The following KCND2 variants were observed in gnomAD, a reference collection of about 807,000 sequenced individuals.
KCND2 encodes the protein potassium voltage-gated channel subfamily D member 2.
In KCND2, 16 loss-of-function variants were observed where a neutral mutation model predicts 54.4. The observed-to-expected ratio is 0.29, with a 90% CI of 0.20 to 0.45. The LOEUF (loss-of-function observed/expected upper bound fraction) is 0.45, where lower values mean the gene tolerates loss of function less well. Ranked by LOEUF, KCND2 falls within the 20% of genes least tolerant of loss-of-function variation. The pLI, the probability that KCND2 is intolerant of heterozygous loss-of-function variation, is 1.00. For synonymous variants in KCND2, 317 were observed against 310.7 expected, an observed-to-expected ratio of 1.02 and a Z score of -0.21; for missense variants, 486 against 824.2, an observed-to-expected ratio of 0.59 and a Z score of 5.02.
chr7:120,388,511 A>G (rs1801022048), intron 1 of KCND2, among the ~76,000 whole-genome samples: 1 of 152,024 alleles, frequency 6.6e-6, no homozygotes, highest in African/African-American at 2.4e-5. Context: ...TGAGAGAGGA[A>G]TAAATAATAG....
chr7:120,596,733 G>C, intron 1 of KCND2, among the ~76,000 whole-genome samples: 1 of 73,086 alleles, frequency 1.4e-5, no homozygotes, highest in East Asian at 2.6e-4. Flanking sequence ...TTACCATACT[G>C]TTAGTTCCTG....
intron 1 of KCND2, among the ~76,000 whole-genome samples, chr7:120,408,012 G>GGATCTT (rs1801387711): frequency 6.6e-6 from 1 of 151,784 alleles, no homozygotes; most frequent in Non-Finnish European, 1.5e-5. Context: ...CAAGCGAAGA[G>GGATCTT]GCTCTTGCTC....
chr7:120,284,099 C>G (rs569210079), intron 1 of KCND2, among the ~76,000 whole-genome samples: 1 of 152,202 alleles, frequency 6.6e-6, no homozygotes, highest in Non-Finnish European at 1.5e-5. Flanking sequence ...AAAGGGTATG[C>G]TTTCCAGATG....
At chr7:120,584,463 G>A (rs1000478406) in intron 1 of KCND2, among the ~76,000 whole-genome samples, 2 of 152,150 alleles carry the variant, frequency 1.3e-5, no homozygotes, top group African/African-American at 4.8e-5. Context: ...AAGCATTCAC[G>A]CAGCTAAAAT....
At chr7:120,742,481 A>C in intron 3 of KCND2, 29 bp from the exon 4 acceptor site, 1 of 1,571,462 alleles carries the variant, frequency 6.4e-7, no homozygotes, top group East Asian at 2.2e-5. Context: ...ATAAAATAGA[A>C]AGCTCTTCTG....
At chr7:120,571,668 C>T (rs910936366) in intron 1 of KCND2, among the ~76,000 whole-genome samples, 1 of 152,194 alleles carries the variant, frequency 6.6e-6, no homozygotes, top group Non-Finnish European at 1.5e-5. Flanking sequence ...TCTTTAAAAA[C>T]CGCATAACTC....
intron 1 of KCND2, among the ~76,000 whole-genome samples, chr7:120,417,542 C>A (rs1801541746): frequency 6.6e-6 from 1 of 152,104 alleles, no homozygotes; most frequent in South Asian, 2.1e-4. Flanking sequence ...AAACAGCCTC[C>A]AGTATTGTGG....
intron 2 of KCND2, among the ~76,000 whole-genome samples, chr7:120,735,982 A>T (rs1044413325): frequency 1.3e-5 from 2 of 152,096 alleles, no homozygotes; most frequent in Non-Finnish European, 2.9e-5. Flanking sequence ...CAGTTTATTT[A>T]TCTGGGACTG....
In KCND2 at chr7:120,622,685, ACACACTCTCT is replaced by A. The variant is rs1243793974; in HGVS notation, c.1116-110216_1116-110207del. Among the ~76,000 whole-genome samples the A allele has an allele frequency of 5.7e-5, 8 of 139,514 alleles. No homozygotes were observed. The East Asian group carries it at 8.2e-4, about 14-fold the overall frequency. 91.5% of individuals were successfully genotyped at this position (139,514 alleles called of 152,430 possible). A position where few individuals can be genotyped will look rare whatever the true frequency, so the allele number is the denominator to read the frequency against. ...TCCTTACACACACACACACACACAC[ACACACTCTCT>A]CTCTCTCTCTCTCTCTCTCTCACAC... On this transcript the variant is annotated intron_variant, in intron 1 of 5. Transcript: ENST00000331113.
At chr7:120,583,154 T>C (rs1402370424) in intron 1 of KCND2, among the ~76,000 whole-genome samples, 2 of 152,146 alleles carry the variant, frequency 1.3e-5, no homozygotes, top group Non-Finnish European at 2.9e-5. Context: ...TCAGTCACTG[T>C]CAGGAGCATG....
chr7:120,393,957 T>C (rs1479467792), intron 1 of KCND2, among the ~76,000 whole-genome samples: 1 of 152,022 alleles, frequency 6.6e-6, no homozygotes, highest in African/African-American at 2.4e-5. Context: ...TGATAAATTA[T>C]ATCAGGCAGA....
At chr7:120,346,668 C>CCT (rs148518409) in intron 1 of KCND2, among the ~76,000 whole-genome samples, 3,739 of 149,074 alleles carry the variant, frequency 0.025, 162 homozygotes, top group African/African-American at 0.083. Flanking sequence ...TCTCTTCTCT[C>CCT]CTCTCTCTCT....
intron 4 of KCND2, among the ~76,000 whole-genome samples, chr7:120,744,894 T>C (rs1029117423): frequency 6.6e-6 from 1 of 152,212 alleles, no homozygotes; most frequent in Non-Finnish European, 1.5e-5. Context: ...TTCCTTTATA[T>C]TTCTGAGGTG....
intron 1 of KCND2, among the ~76,000 whole-genome samples, chr7:120,377,538 T>C (rs1403271039): frequency 7.5e-6 from 1 of 133,346 alleles, no homozygotes; most frequent in African/African-American, 2.5e-5. Context: ...TAAATAATTG[T>C]CATTTCTCAT....
At chr7:120,446,117 G>T (rs1409596117) in intron 1 of KCND2, among the ~76,000 whole-genome samples, 2 of 152,064 alleles carry the variant, frequency 1.3e-5, no homozygotes, top group Non-Finnish European at 2.9e-5. Flanking sequence ...ACCATGTCCT[G>T]GAGTCTTTTC....
chr7:120,354,436 T>C (rs969824784), intron 1 of KCND2, among the ~76,000 whole-genome samples: 7 of 152,320 alleles, frequency 4.6e-5, no homozygotes, highest in South Asian at 4.1e-4. Flanking sequence ...AAAACAGATA[T>C]TCAAAGTGCA....
intron 1 of KCND2, among the ~76,000 whole-genome samples, chr7:120,290,750 T>C (rs1799424022): frequency 1.3e-5 from 2 of 151,990 alleles, no homozygotes; most frequent in South Asian, 4.1e-4. Context: ...TATATGCTTT[T>C]TTTTCTTGCA....
chr7:120,642,026 CT>C (rs903437649), intron 1 of KCND2, among the ~76,000 whole-genome samples: 5 of 151,962 alleles, frequency 3.3e-5, no homozygotes, highest in Non-Finnish European at 7.4e-5. Context: ...AAAAATATTA[CT>C]GAATAAAAAT....
intron 1 of KCND2, among the ~76,000 whole-genome samples, chr7:120,624,896 AG>A (rs762395318): frequency 3.9e-4 from 60 of 152,366 alleles, no homozygotes; most frequent in Middle Eastern, 3.4e-3. Flanking sequence ...ATTCAATGGT[AG>A]AGCAAGCAAG....
Sources: gnomAD v4.1 joint callset for allele counts (sites outside exome capture counted in the v4.1 genomes callset) on GRCh38, gnomAD v4.1.1 for gene constraint, MANE v1.5 for transcripts, NCBI Gene and HGNC (gene_info 2026-07-23, HGNC 2026-07-21) for gene names.